SLC8A3: variants seen among roughly 807,000 people sequenced by gnomAD.
SLC8A3 encodes sodium/calcium exchanger 3.
A neutral mutation model predicts 65.4 loss-of-function variants in SLC8A3; 37 were observed. The ratio of observed to expected loss-of-function variants is 0.57; its 90% CI spans 0.44 to 0.74. SLC8A3 has a LOEUF of 0.74. SLC8A3 is among the 30% of genes least tolerant of loss of function. SLC8A3 has a pLI of 0.00. For missense variants in SLC8A3, 1,112 were observed against 1,172.1 expected (o/e 0.95, Z 0.75); for synonymous variants, 461 against 444.5 (o/e 1.04, Z -0.47).
At chr14:70,177,377 C>T (rs1381956135) in intron 1 of SLC8A3, among the ~76,000 whole-genome samples, 3 of 152,316 alleles carry the variant, frequency 2.0e-5, no homozygotes, top group East Asian at 3.9e-4. Context: ...GAGAAGCACA[C>T]ACTTCACTGG....
intron 2 of SLC8A3, among the ~76,000 whole-genome samples, chr14:70,164,779 A>G (rs1387934693): frequency 6.6e-6 from 1 of 152,180 alleles, no homozygotes; most frequent in African/African-American, 2.4e-5. Flanking sequence ...TTAATGCCTT[A>G]CCATATCTTC....
intron 2 of SLC8A3, among the ~76,000 whole-genome samples, chr14:70,071,440 A>G (rs878941311): frequency 6.6e-6 from 1 of 152,226 alleles, no homozygotes; most frequent in African/African-American, 2.4e-5. Flanking sequence ...AAGATTCTAC[A>G]TGCTGCTTTG....
chr14:70,165,870 A>C (rs1897135186), intron 2 of SLC8A3, among the ~76,000 whole-genome samples: 1 of 152,162 alleles, frequency 6.6e-6, no homozygotes, highest in South Asian at 2.1e-4. Context: ...TTCCTCCCAC[A>C]ATTCCTAGGA....
At chr14:70,128,862 C>T (rs916157060) in intron 2 of SLC8A3, among the ~76,000 whole-genome samples, 4 of 152,186 alleles carry the variant, frequency 2.6e-5, no homozygotes, top group African/African-American at 4.8e-5. Flanking sequence ...TAAAAGCTCA[C>T]GCAAAACGCA....
In SLC8A3 at chr14:70,166,933, C is replaced by T. The variant is rs139479097; in HGVS notation, c.1490G>A (p.Gly497Glu). The T allele has an allele frequency of 6.2e-7, 1 of 1,614,144 alleles. No homozygotes were observed. The highest frequency in any genetic ancestry group is 8.5e-7 in the Non-Finnish European group (1 of 1,180,020). The change falls in exon 2 of 7, where the codon GGG becomes GAG. Residue 497 changes from glycine to glutamate, a missense_variant. By Grantham distance (98) the Gly-to-Glu change is moderately conservative. Coordinates refer to ENST00000356921, the MANE Select transcript of SLC8A3 (RefSeq NM_182932.3). ...VRIEEEQPEEGMPPAIFNSLP... is the reference protein window; with the variant it reads ...VRIEEEQPEEEMPPAIFNSLP... Reference sequence around the variant, plus strand: ...ACTGTTGAATATTGCTGGAGGCATCCCCTCCTCTGGCTGCTCCTCCTCTAT... The same window carrying T: ...ACTGTTGAATATTGCTGGAGGCATCTCCTCCTCTGGCTGCTCCTCCTCTAT...
chr14:70,063,410 T>C (rs965954174), intron 2 of SLC8A3, among the ~76,000 whole-genome samples: 3 of 152,236 alleles, frequency 2.0e-5, no homozygotes, highest in Non-Finnish European at 2.9e-5. Flanking sequence ...GCTGAAAGCC[T>C]GTTTCTCAGT....
intron 2 of SLC8A3, among the ~76,000 whole-genome samples, chr14:70,132,067 T>C (rs1401248388): frequency 6.6e-6 from 1 of 152,240 alleles, no homozygotes; most frequent in Non-Finnish European, 1.5e-5. Flanking sequence ...ACATATGTAG[T>C]TAATGGCAAG....
At chr14:70,127,186 G>A (rs1894521191) in intron 2 of SLC8A3, among the ~76,000 whole-genome samples, 1 of 151,800 alleles carries the variant, frequency 6.6e-6, no homozygotes, top group East Asian at 1.9e-4. Flanking sequence ...TGGGGGTAGG[G>A]GTGGGAGAAA....
At chr14:70,130,237 A>G (rs1894731458) in intron 2 of SLC8A3, among the ~76,000 whole-genome samples, 1 of 152,230 alleles carries the variant, frequency 6.6e-6, no homozygotes. Context: ...ATTTTAGAAG[A>G]GATTTAATAA....
chr14:70,075,539 C>T (rs1010947128), intron 2 of SLC8A3, among the ~76,000 whole-genome samples: 4 of 152,146 alleles, frequency 2.6e-5, no homozygotes, highest in Non-Finnish European at 2.9e-5. Context: ...GTTGGGCTTG[C>T]GTGAGTGGCC....
chr14:70,075,726 A>C (rs1890448756), intron 2 of SLC8A3, among the ~76,000 whole-genome samples: 1 of 152,208 alleles, frequency 6.6e-6, no homozygotes, highest in African/African-American at 2.4e-5. Flanking sequence ...AGGAGTGCTT[A>C]AAAACAATTT....
rs749183497 is a variant in SLC8A3, at chr14:70,166,878, G to T, written c.1545C>A (p.Ser515=). 14 of 1,613,926 alleles carry T rather than the reference G, an allele frequency of 8.7e-6. No homozygotes were observed. The highest frequency in any genetic ancestry group is 1.2e-5 in the Non-Finnish European group (14 of 1,179,966). The change falls in exon 2 of 7, where the codon TCC becomes TCA. Residue 515 remains serine (S), a synonymous_variant. Coordinates refer to ENST00000356921, the MANE Select transcript of SLC8A3 (RefSeq NM_182932.3). ...SLPLPRAVLA[S]PCVATVTILD... is the part of the protein sequence containing the mutation. ...AGATGGTAACTGTGGCCACACAAGGGGAGGCTAGGACAGCCCGAGGCAAGG... is the reference window on the plus strand; with the variant it reads ...AGATGGTAACTGTGGCCACACAAGGTGAGGCTAGGACAGCCCGAGGCAAGG...
intron 2 of SLC8A3, among the ~76,000 whole-genome samples, chr14:70,158,647 A>T (rs548557082): frequency 4.8e-4 from 73 of 152,316 alleles, no homozygotes; most frequent in African/African-American, 1.7e-3. Context: ...GTCAAGTTGC[A>T]CCTATGTATG....
intron 3 of SLC8A3, among the ~76,000 whole-genome samples, chr14:70,056,316 A>T (rs895736301): frequency 2.0e-5 from 3 of 152,230 alleles, no homozygotes; most frequent in African/African-American, 7.2e-5. Flanking sequence ...AGAGTGGAAC[A>T]GTGCCCAGGT....
At chr14:70,084,445 A>G (rs2140020140) in intron 2 of SLC8A3, among the ~76,000 whole-genome samples, 1 of 152,322 alleles carries the variant, frequency 6.6e-6, no homozygotes, top group Non-Finnish European at 1.5e-5. Context: ...CCTGCTGGTC[A>G]TTATTCAGCC....
chr14:70,106,485 G>A (rs1271890135), intron 2 of SLC8A3, among the ~76,000 whole-genome samples: 2 of 152,134 alleles, frequency 1.3e-5, no homozygotes, highest in Non-Finnish European at 2.9e-5. Context: ...CTCATACAAT[G>A]TTGGTTTAGA....
intron 2 of SLC8A3, among the ~76,000 whole-genome samples, chr14:70,086,401 C>CTTTTT (rs10605312): frequency 6.9e-5 from 8 of 116,128 alleles, no homozygotes; most frequent in Non-Finnish European, 1.3e-4. Flanking sequence ...TTTCTTTTTT[C>CTTTTT]TTTTTTTTTT....
intron 3 of SLC8A3, among the ~76,000 whole-genome samples, 177 bp from the exon 4 acceptor site, chr14:70,052,291 T>C (rs1466821834): frequency 1.3e-5 from 2 of 151,820 alleles, no homozygotes; most frequent in African/African-American, 4.8e-5. Flanking sequence ...AACCAGACCA[T>C]GAGAATGTGC....
At chr14:70,136,160 A>G (rs1895186304) in intron 2 of SLC8A3, among the ~76,000 whole-genome samples, 1 of 152,218 alleles carries the variant, frequency 6.6e-6, no homozygotes, top group African/African-American at 2.4e-5. Context: ...CACAAAGACA[A>G]CGCCCTGTGA....
Sources: gnomAD v4.1 joint callset for allele counts (sites outside exome capture counted in the v4.1 genomes callset) on GRCh38, gnomAD v4.1.1 for gene constraint, MANE v1.5 for transcripts, NCBI Gene and HGNC (gene_info 2026-07-23, HGNC 2026-07-21) for gene names.